Variants in SRGAP1 observed in about 807,000 individuals in gnomAD.
SRGAP1 encodes SLIT-ROBO Rho GTPase-activating protein 1.
Under a neutral mutation model 121.9 loss-of-function variants are expected in SRGAP1, and 43 were observed. The ratio of observed to expected loss-of-function variants is 0.35; its 90% CI spans 0.28 to 0.46. The LOEUF (loss-of-function observed/expected upper bound fraction) is 0.46, where lower values mean the gene tolerates loss of function less well. SRGAP1 is among the 20% of genes least tolerant of loss of function. The pLI, the probability that SRGAP1 is intolerant of heterozygous loss-of-function variation, is 1.00. For missense variants in SRGAP1, 1,102 were observed against 1,350.9 expected (o/e 0.82, Z 2.89); for synonymous variants, 447 against 485.4 (o/e 0.92, Z 1.04).
intron 3 of SRGAP1, among the ~76,000 whole-genome samples, chr12:63,992,741 AGAC>A (rs2033590717): frequency 6.7e-6 from 1 of 150,338 alleles, no homozygotes; most frequent in African/African-American, 2.5e-5. Context: ...ACAGAGAGAC[AGAC>A]AAAAACAGAT....
At chr12:63,871,047 C>T (rs1388157399) in intron 1 of SRGAP1, among the ~76,000 whole-genome samples, 1 of 152,138 alleles carries the variant, frequency 6.6e-6, no homozygotes, top group Non-Finnish European at 1.5e-5. Context: ...CCCAGATTTG[C>T]ATTTGTAACG....
intron 1 of SRGAP1, among the ~76,000 whole-genome samples, chr12:63,856,224 C>T (rs1034423134): frequency 1.3e-5 from 2 of 151,688 alleles, no homozygotes; most frequent in Non-Finnish European, 2.9e-5. Context: ...TGCACTCCAG[C>T]CTGGGCAACA....
rs779098682 is a variant in SRGAP1 at position 64,111,863 on chromosome 12, C to G, written c.2021C>G (p.Ser674Cys). 3 of 1,613,928 alleles carry G rather than the reference C, an allele frequency of 1.9e-6. No homozygotes were observed. Among genetic ancestry groups the G allele is most frequent in the African/African-American group, 1.3e-5 (1 of 74,896 alleles). The part of the protein sequence containing the change: ...MPVPEIQDQV[S>C]CQAHVNEIIK... Reference sequence around the variant, plus strand: ...GTCCCAGAAATACAGGATCAAGTGTCTTGCCAGGCACATGTGAATGAAATT... The same window carrying G: ...GTCCCAGAAATACAGGATCAAGTGTGTTGCCAGGCACATGTGAATGAAATT... The change falls in exon 17 of 22, where the codon TCT (serine) becomes TGT (cysteine). Residue 674 changes from serine (S) to cysteine (C), a missense_variant. Ser to Cys is a moderately radical substitution (Grantham distance 112, BLOSUM62 -1). Coordinates refer to ENST00000355086, the MANE Select transcript of SRGAP1 (RefSeq NM_020762.4).
intron 4 of SRGAP1, among the ~76,000 whole-genome samples, chr12:64,039,116 G>A (rs936403831): frequency 2.0e-5 from 3 of 152,078 alleles, no homozygotes; most frequent in Non-Finnish European, 4.4e-5. Context: ...TAGAGTTCTC[G>A]AAAAAGCTTT....
intron 1 of SRGAP1, among the ~76,000 whole-genome samples, chr12:63,905,214 C>T (rs1347555000): frequency 6.6e-6 from 1 of 152,126 alleles, no homozygotes; most frequent in East Asian, 1.9e-4. Flanking sequence ...TCCTAAAGGG[C>T]TGCTGAAAAG....
chr12:64,138,266 G>A (rs1320651419), intron 21 of SRGAP1, among the ~76,000 whole-genome samples: 2 of 151,696 alleles, frequency 1.3e-5, no homozygotes, highest in Non-Finnish European at 2.9e-5. Flanking sequence ...TGTCCTCAAG[G>A]TTTACACATG....
intron 4 of SRGAP1, among the ~76,000 whole-genome samples, chr12:64,028,254 A>G (rs2034696997): frequency 6.6e-6 from 1 of 152,220 alleles, no homozygotes; most frequent in African/African-American, 2.4e-5. Context: ...TTAAACTTGT[A>G]TTTCAGTGCC....
chr12:64,085,929 C>T (rs1348328731), intron 10 of SRGAP1, among the ~76,000 whole-genome samples: 1 of 152,172 alleles, frequency 6.6e-6, no homozygotes, highest in Non-Finnish European at 1.5e-5. Context: ...TTAACTGTTT[C>T]ACCCTATTTA....
intron 3 of SRGAP1, among the ~76,000 whole-genome samples, chr12:64,011,909 C>T (rs2034262424): frequency 6.6e-6 from 1 of 151,986 alleles, no homozygotes; most frequent in South Asian, 2.1e-4. Context: ...TGAGCCCAGC[C>T]TGGGCAACAT....
Position 64,147,530 on chromosome 12 carries a change from C to T in SRGAP1, c.*4858C>T. The stretch of plus-strand genomic sequence containing the variant: ...CGTTTTCCTTGTAGACGTGATTGTG[C>T]CTTTCTCACCCCTGTGTCCTCCCAT... On this transcript the variant is annotated 3_prime_UTR_variant, in exon 22 of 22. Transcript: ENST00000355086. 1 of 398,864 alleles carries T rather than the reference C, an allele frequency of 2.5e-6. No individual in the cohort carries two copies. The highest frequency in any genetic ancestry group is 4.4e-6 in the Non-Finnish European group (1 of 226,274). 24.7% of individuals were successfully genotyped at this position (398,864 alleles called of 1,614,324 possible).
chr12:63,854,531 T>C (rs920185985), intron 1 of SRGAP1, among the ~76,000 whole-genome samples: 1 of 152,120 alleles, frequency 6.6e-6, no homozygotes, highest in Non-Finnish European at 1.5e-5. Flanking sequence ...TGATAATCCG[T>C]GGGTGCACGA....
chr12:63,930,457 T>G (rs1173909145), intron 1 of SRGAP1, among the ~76,000 whole-genome samples: 1 of 151,856 alleles, frequency 6.6e-6, no homozygotes, highest in Non-Finnish European at 1.5e-5. Flanking sequence ...CAAATTGAGA[T>G]GATAAAACAT....
intron 6 of SRGAP1, among the ~76,000 whole-genome samples, chr12:64,060,080 C>G (rs1354459916): frequency 6.6e-6 from 1 of 151,586 alleles, no homozygotes; most frequent in African/African-American, 2.4e-5. Flanking sequence ...CCTGTGGATC[C>G]TTTTTAATCT....
intron 8 of SRGAP1, 77 bp downstream of exon 8, chr12:64,065,296 C>A: frequency 8.0e-7 from 1 of 1,245,154 alleles, no homozygotes; most frequent in Non-Finnish European, 1.1e-6. Flanking sequence ...ATGACTTGGG[C>A]ATATTTAATA....
chr12:64,115,790 T>C (rs769031903), intron 17 of SRGAP1, 24 bp from the exon 18 acceptor site: 1 of 1,603,352 alleles, frequency 6.2e-7, no homozygotes, highest in Non-Finnish European at 8.5e-7. Flanking sequence ...TAATTTCATA[T>C]GAATTTCCAT....
chr12:63,959,098 C>A (rs1367093639), intron 1 of SRGAP1, among the ~76,000 whole-genome samples: 2 of 152,168 alleles, frequency 1.3e-5, no homozygotes, highest in Non-Finnish European at 2.9e-5. Context: ...ATGACCCTAG[C>A]AAGACCCAAA....
At chr12:64,129,654 A>C (rs1450389675) in intron 21 of SRGAP1, among the ~76,000 whole-genome samples, 1 of 152,218 alleles carries the variant, frequency 6.6e-6, no homozygotes, top group East Asian at 1.9e-4. Flanking sequence ...AATTACGCCT[A>C]ACATGATACA....
At chr12:64,064,282 C>A (rs189701536) in intron 7 of SRGAP1, among the ~76,000 whole-genome samples, 20 of 152,208 alleles carry the variant, frequency 1.3e-4, no homozygotes, top group Non-Finnish European at 2.4e-4. Flanking sequence ...ATAAAAGGAA[C>A]CCCCATGAGC....
intron 1 of SRGAP1, among the ~76,000 whole-genome samples, chr12:63,932,330 T>C (rs1236722900): frequency 1.3e-5 from 2 of 152,168 alleles, no homozygotes; most frequent in Non-Finnish European, 2.9e-5. Context: ...GTAGAATGTG[T>C]CAAATCAAAC....
Sources: allele counts gnomAD v4.1 joint callset (sites outside exome capture counted in the v4.1 genomes callset), GRCh38; gene constraint gnomAD v4.1.1; transcripts MANE v1.5; gene names NCBI Gene and HGNC (gene_info 2026-07-23, HGNC 2026-07-21).